Variants in ABHD17B observed in about 807,000 individuals in gnomAD.
ABHD17B encodes abhydrolase domain containing 17B, depalmitoylase.
Under a neutral mutation model 26.2 loss-of-function variants are expected in ABHD17B, and 9 were observed. The ratio of observed to expected loss-of-function variants is 0.34; its 90% CI spans 0.21 to 0.60. The LOEUF is 0.60. ABHD17B is among the 20% of genes least tolerant of loss of function. ABHD17B has a pLI of 0.80. For missense variants in ABHD17B, 224 were observed against 352.1 expected, an observed-to-expected ratio of 0.64 and a Z score of 2.91; for synonymous variants, 127 against 122.3, an observed-to-expected ratio of 1.04 and a Z score of -0.25.
In ABHD17B at chr9:71,909,244, A is replaced by AG. The variant is rs375811419; in HGVS notation, c.-4+1389dup. Among the ~76,000 whole-genome samples the AG allele has an allele frequency of 1.7e-3, 259 of 152,326 alleles. 2 individuals carry two copies. Among genetic ancestry groups the AG allele is most frequent in the African/African-American group, 5.9e-3 (246 of 41,574 alleles). On this transcript the variant is annotated intron_variant, in intron 1 of 3. Coordinates refer to ENST00000333421, the MANE Select transcript of ABHD17B (RefSeq NM_001025780.3). ...TTAACACTAGAGTAGGAGAAAAGAG[A>AG]GGTCAAAATATAGGTGAAGGTGCCA...
Position 71,865,367 on chromosome 9 carries a change from T to C in ABHD17B, c.*1420A>G, listed in dbSNP as rs1432262322. 10 of 982,666 alleles carry C rather than the reference T, an allele frequency of 1.0e-5. No individual in the cohort carries two copies. In the African/African-American group the frequency reaches 1.6e-4, roughly 15 times the overall value. The allele number at this position is 982,666 out of a possible 1,614,324, so 60.9% of individuals were successfully genotyped here. A position where few individuals can be genotyped will look rare whatever the true frequency, so the allele number is the denominator to read the frequency against. On this transcript the variant is annotated 3_prime_UTR_variant, in exon 4 of 4. Transcript: ENST00000333421. Reference sequence around the variant, plus strand: ...TACAAATTAGACTACATACCATTAATTTTATTTTTATTTTTCATTGTTTTA... The same window carrying C: ...TACAAATTAGACTACATACCATTAACTTTATTTTTATTTTTCATTGTTTTA...
chr9:71,874,507 C>A, intron 2 of ABHD17B, 107 bp downstream of exon 2: 1 of 817,330 alleles, frequency 1.2e-6, no homozygotes, highest in Non-Finnish European at 1.9e-6. Context: ...AATATAACCT[C>A]TATATAGCAG....
intron 1 of ABHD17B, among the ~76,000 whole-genome samples, chr9:71,894,087 C>CAAAAAAAAAAAAAAAAA (rs1180729763): frequency 3.8e-5 from 2 of 52,324 alleles, no homozygotes; most frequent in African/African-American, 1.7e-4. Context: ...GACTCTATCT[C>CAAAAAAAAAAAAAAAAA]AAAAAAAAAA....
chr9:71,884,511 T>C (rs939073056), intron 1 of ABHD17B, among the ~76,000 whole-genome samples: 1 of 151,840 alleles, frequency 6.6e-6, no homozygotes, highest in Admixed American at 6.6e-5. Context: ...AACAGATCTA[T>C]AATATCATTA....
chr9:71,883,415 A>G (rs2132161030), intron 1 of ABHD17B, among the ~76,000 whole-genome samples: 1 of 152,330 alleles, frequency 6.6e-6, no homozygotes, highest in East Asian at 1.9e-4. Flanking sequence ...GGGACTAGGG[A>G]TTGACACAGC....
At position 71,865,264 on chromosome 9, in the gene ABHD17B, G is replaced by A. The variant is rs556717799; in HGVS notation, c.*1523C>T. ...ATACTATAGTCTTAAACATAACCAC[G>A]GAACGAGCAGAACAATTAAAACTAC... On this transcript the variant is annotated 3_prime_UTR_variant, in exon 4 of 4. Transcript: ENST00000333421. 9.8e-5 allele frequency: 97 copies of A among 985,390 alleles called. No individual in the cohort carries two copies. Among genetic ancestry groups the A allele is most frequent in the African/African-American group, 3.0e-4 (17 of 57,266 alleles). 61.0% of individuals were successfully genotyped at this position (985,390 alleles called of 1,614,324 possible).
intron 1 of ABHD17B, among the ~76,000 whole-genome samples, chr9:71,878,976 C>T (rs1421924438): frequency 1.3e-5 from 2 of 152,088 alleles, no homozygotes; most frequent in Non-Finnish European, 2.9e-5. Flanking sequence ...AGCACCATGG[C>T]AAAACTCCAT....
chr9:71,867,027 G>T, intron 3 of ABHD17B, 21 bp from the exon 4 acceptor site: 1 of 1,610,784 alleles, frequency 6.2e-7, no homozygotes, highest in Non-Finnish European at 8.5e-7. Context: ...AAAGGAAGGG[G>T]GAAAAATGCA....
In ABHD17B at chr9:71,866,044, G is replaced by A; in HGVS notation, c.*743C>T. 1.0e-6 allele frequency: 1 copy of A among 985,320 alleles called. No individual in the cohort carries two copies. The highest frequency in any genetic ancestry group is 1.2e-6 in the Non-Finnish European group (1 of 829,898). The allele number at this position is 985,320 out of a possible 1,614,324, so 61.0% of individuals were successfully genotyped here. A position where few individuals can be genotyped will look rare whatever the true frequency, so the allele number is the denominator to read the frequency against. The stretch of plus-strand genomic sequence containing the variant: ...AAAATCATTCTTGAAATCTCTAAAT[G>A]CCTTTTAAGTAACCAGCATGAAAAT... On this transcript the variant is annotated 3_prime_UTR_variant, in exon 4 of 4. Coordinates refer to ENST00000333421, the MANE Select transcript of ABHD17B (RefSeq NM_001025780.3).
chr9:71,904,561 T>C (rs1229192847), intron 1 of ABHD17B, among the ~76,000 whole-genome samples: 1 of 152,142 alleles, frequency 6.6e-6, no homozygotes, highest in Non-Finnish European at 1.5e-5. Context: ...TGAAAAGACA[T>C]GTCAAGCAAA....
chr9:71,885,037 G>A (rs1159476067), intron 1 of ABHD17B, among the ~76,000 whole-genome samples: 2 of 152,102 alleles, frequency 1.3e-5, no homozygotes, highest in African/African-American at 2.4e-5. Context: ...CTAAGTGGGG[G>A]CAGGTGGAAA....
rs146638941 is a variant in ABHD17B, at chr9:71,874,640, T to C, written c.441A>G (p.Glu147=). 7 of 1,597,470 alleles carry C rather than the reference T, an allele frequency of 4.4e-6. No individual in the cohort carries two copies. In the African/African-American group the frequency reaches 9.4e-5, roughly 22 times the overall value. ...TTGTCCTAAGAGCAAGCCAAGCAGCTTCAATGTCTGCATAGAGGTTCTTCT... is the reference window on the plus strand; with the variant it reads ...TTGTCCTAAGAGCAAGCCAAGCAGCCTCAATGTCTGCATAGAGGTTCTTCT... ...PTEKNLYADI[E]AAWLALRTRY... Residue 147 remains glutamate (E), a synonymous_variant, in exon 2 of 4, where the codon GAA becomes GAG. Transcript: ENST00000333421.
At chr9:71,867,811 A>C (rs1167835512) in intron 3 of ABHD17B, among the ~76,000 whole-genome samples, 2 of 152,168 alleles carry the variant, frequency 1.3e-5, no homozygotes, top group African/African-American at 2.4e-5. Flanking sequence ...GAGACAATGG[A>C]AACATATACA....
At chr9:71,862,594 TTA>T (rs758233008), downstream of ABHD17B, 63 of 1,383,748 alleles carry the variant, frequency 4.6e-5, no homozygotes, top group African/African-American at 3.0e-4. Flanking sequence ...CTTCCCTTCT[TTA>T]TGTTTCTGCA....
intron 1 of ABHD17B, chr9:71,902,590 TAAAA>T (rs1205321453): frequency 6.6e-6 from 1 of 152,194 alleles, no homozygotes; most frequent in African/African-American, 2.4e-5. Flanking sequence ...TGAGGTCTGT[TAAAA>T]AGCTCGGAAG....
chr9:71,883,902 A>T (rs1316887955), intron 1 of ABHD17B, among the ~76,000 whole-genome samples: 1 of 152,162 alleles, frequency 6.6e-6, no homozygotes, highest in Non-Finnish European at 1.5e-5. Flanking sequence ...GCATCATTGC[A>T]CTACAGCTTG....
At chr9:71,870,707 T>G (rs1293687343) in intron 2 of ABHD17B, among the ~76,000 whole-genome samples, 1 of 152,202 alleles carries the variant, frequency 6.6e-6, no homozygotes, top group Non-Finnish European at 1.5e-5. Flanking sequence ...TTTCCAAAAT[T>G]GGTCATATTG....
At chr9:71,862,875 G>A (rs969719500), downstream of ABHD17B, among the ~76,000 whole-genome samples, 1 of 152,124 alleles carries the variant, frequency 6.6e-6, no homozygotes, top group Non-Finnish European at 1.5e-5. Flanking sequence ...TTGGACTCGA[G>A]TGGTCCTCCC....
At chr9:71,867,827 A>G (rs2132121551) in intron 3 of ABHD17B, among the ~76,000 whole-genome samples, 1 of 152,286 alleles carries the variant, frequency 6.6e-6, no homozygotes, top group African/African-American at 2.4e-5. Flanking sequence ...ATACATTTAC[A>G]TACTGGCTAC....
Sources: allele counts gnomAD v4.1 joint callset (sites outside exome capture counted in the v4.1 genomes callset), GRCh38; gene constraint gnomAD v4.1.1; transcripts MANE v1.5; gene names NCBI Gene and HGNC (gene_info 2026-07-23, HGNC 2026-07-21).